Variants in SMIM14 observed in about 807,000 individuals in gnomAD.
SMIM14 encodes chromosome 4 open reading frame 34.
SMIM14 carries 5 observed loss-of-function variants against 12.6 expected under a neutral mutation model. The ratio of observed to expected loss-of-function variants is 0.40; its 90% confidence interval spans 0.21 to 0.83. The LOEUF is 0.83. Ranked by LOEUF, SMIM14 falls within the 40% of genes least tolerant of loss-of-function variation. The pLI is 0.37. For synonymous variants in SMIM14, 30 were observed against 40.1 expected, an observed-to-expected ratio of 0.75 and a Z score of 0.95; for missense variants, 86 against 119.1, an observed-to-expected ratio of 0.72 and a Z score of 1.29.
chr4:39,582,151 A>G (rs1713542265), intron 2 of SMIM14, among the ~76,000 whole-genome samples: 1 of 152,042 alleles, frequency 6.6e-6, no homozygotes, highest in Non-Finnish European at 1.5e-5. Context: ...GATTACAGGA[A>G]TGAGCCACCG....
intron 3 of SMIM14, among the ~76,000 whole-genome samples, chr4:39,571,104 A>G (rs1488685157): frequency 6.6e-6 from 1 of 152,166 alleles, no homozygotes; most frequent in Non-Finnish European, 1.5e-5. Context: ...TACATATACC[A>G]TGCAATATTC....
At chr4:39,632,000 G>A (rs1199343449) in intron 1 of SMIM14, among the ~76,000 whole-genome samples, 1 of 151,856 alleles carries the variant, frequency 6.6e-6, no homozygotes, top group African/African-American at 2.4e-5. Flanking sequence ...AACAGAGGTC[G>A]TAAATGTTAT....
At chr4:39,606,292 G>A (rs796256003) in intron 1 of SMIM14, among the ~76,000 whole-genome samples, 4 of 150,916 alleles carry the variant, frequency 2.7e-5, no homozygotes, top group African/African-American at 9.7e-5. Context: ...GCTGCAATAA[G>A]CCATGATCAC....
At position 39,562,956 on chromosome 4, in the gene SMIM14, T is replaced by G. The variant is rs151226876; in HGVS notation, c.125-6386A>C. On this transcript the variant is annotated intron_variant, in intron 3 of 4. Coordinates refer to ENST00000295958, the MANE Select transcript of SMIM14 (RefSeq NM_174921.3). The stretch of plus-strand genomic sequence containing the variant: ...ACTGTGCCCAGCAACTCTAAGTTCT[T>G]TAGCTCAGCCTTTCCTCATATGATT... Among the ~76,000 whole-genome samples, 380 of 152,150 alleles carry G rather than the reference T, an allele frequency of 2.5e-3. 1 individual carries two copies. Among genetic ancestry groups the G allele is most frequent in the African/African-American group, 8.9e-3 (368 of 41,454 alleles).
intron 1 of SMIM14, among the ~76,000 whole-genome samples, chr4:39,615,466 T>C (rs1402936094): frequency 1.3e-5 from 2 of 152,328 alleles, no homozygotes; most frequent in South Asian, 2.1e-4. Context: ...ATTATACATT[T>C]GTCAAACCCC....
At chr4:39,592,688 C>A (rs1438625853) in intron 2 of SMIM14, 1 of 150,844 alleles carries the variant, frequency 6.6e-6, no homozygotes, top group Non-Finnish European at 1.5e-5. Flanking sequence ...AGAGAAGAAT[C>A]AAATAGACGC....
rs1713234665 is a variant in SMIM14, at chr4:39,577,061, A to G, written c.76-4598T>C. ...GTGGAATAGGAATATTTTTTCCATT[A>G]TATAATATTTGATATATTTTAACAC... On this transcript the variant is annotated intron_variant, in intron 2 of 4. Transcript: ENST00000295958. Among the ~76,000 whole-genome samples the G allele has an allele frequency of 2.0e-5, 3 of 151,858 alleles. No homozygotes were observed. In the South Asian group the frequency reaches 6.2e-4, roughly 32 times the overall value.
At position 39,612,387 on chromosome 4, in the gene SMIM14, T is replaced by G. The variant is rs186263096; in HGVS notation, c.-35-7207A>C. Among the ~76,000 whole-genome samples, 291 of 152,244 alleles carry G rather than the reference T, an allele frequency of 1.9e-3. 1 individual carries two copies. Among genetic ancestry groups the G allele is most frequent in the African/African-American group, 6.6e-3 (276 of 41,542 alleles). ...CTCCCGCCTCAGCCTCCCAAGTAGC[T>G]GGGATTACACACATGCGCTATGCTG... On this transcript the variant is annotated intron_variant, in intron 1 of 4. Transcript: ENST00000295958.
At chr4:39,628,885 A>T (rs937030045) in intron 1 of SMIM14, among the ~76,000 whole-genome samples, 8 of 150,730 alleles carry the variant, frequency 5.3e-5, no homozygotes, top group Non-Finnish European at 1.0e-4. Context: ...GGTGCGTGCC[A>T]TCACACCCAG....
At chr4:39,562,442 G>T (rs1395155374) in intron 3 of SMIM14, among the ~76,000 whole-genome samples, 1 of 152,070 alleles carries the variant, frequency 6.6e-6, no homozygotes, top group Non-Finnish European at 1.5e-5. Context: ...CATCTCTGCT[G>T]ATCAATGTGG....
chr4:39,627,509 G>A (rs991191170), intron 1 of SMIM14, among the ~76,000 whole-genome samples: 1 of 152,164 alleles, frequency 6.6e-6, no homozygotes, highest in African/African-American at 2.4e-5. Flanking sequence ...AAACAAGAGT[G>A]ATAATTGAAA....
chr4:39,575,369 A>T (rs1713117198), intron 2 of SMIM14, among the ~76,000 whole-genome samples: 1 of 151,898 alleles, frequency 6.6e-6, no homozygotes, highest in African/African-American at 2.4e-5. Flanking sequence ...TTAAAAAATT[A>T]ATTTTAATGA....
chr4:39,551,306 T>G lies in SMIM14; in HGVS notation c.*820A>C, dbSNP rs1386768912. 1 of 152,652 alleles carries G rather than the reference T, an allele frequency of 6.6e-6. No homozygotes were observed. The highest frequency in any genetic ancestry group is 2.4e-5 in the African/African-American group (1 of 41,462). The allele number at this position is 152,652 out of a possible 1,614,324, so 9.5% of individuals were successfully genotyped here. A position where few individuals can be genotyped will look rare whatever the true frequency, so the allele number is the denominator to read the frequency against. On this transcript the variant is annotated 3_prime_UTR_variant, in exon 5 of 5. Coordinates refer to ENST00000295958, the MANE Select transcript of SMIM14 (RefSeq NM_174921.3). ...TAAATTATAGCTTAAATTATTACTATGTGGATTATATCAGCAAAGGCAGAA... is the reference window on the plus strand; with the variant it reads ...TAAATTATAGCTTAAATTATTACTAGGTGGATTATATCAGCAAAGGCAGAA...
At chr4:39,554,844 T>G (rs1255338407) in intron 4 of SMIM14, among the ~76,000 whole-genome samples, 8 of 147,998 alleles carry the variant, frequency 5.4e-5, no homozygotes, top group Admixed American at 5.4e-4. Flanking sequence ...TTTTTTTTTT[T>G]TTTTTTTTGA....
intron 4 of SMIM14, 30 bp downstream of exon 4, chr4:39,556,398 C>T: frequency 1.3e-6 from 2 of 1,598,748 alleles, no homozygotes; most frequent in Non-Finnish European, 1.7e-6. Context: ...TTCCCTTACC[C>T]AAAAAGCATT....
chr4:39,555,986 A>G (rs550134070), intron 4 of SMIM14, among the ~76,000 whole-genome samples: 6 of 152,220 alleles, frequency 3.9e-5, no homozygotes, highest in African/African-American at 1.4e-4. Flanking sequence ...AGCCTGGGCA[A>G]CCTGGCAAAA....
At chr4:39,609,202 G>A (rs761571688) in intron 1 of SMIM14, among the ~76,000 whole-genome samples, 9 of 151,920 alleles carry the variant, frequency 5.9e-5, no homozygotes, top group Non-Finnish European at 1.0e-4. Context: ...GGATGGTCTC[G>A]AACTCCTGAC....
At chr4:39,638,509 T>C (rs1204052656) in intron 1 of SMIM14, 5 of 985,322 alleles carry the variant, frequency 5.1e-6, no homozygotes, top group Non-Finnish European at 4.8e-6. Flanking sequence ...TCTGACATCC[T>C]GCAGAGAATA....
At chr4:39,613,612 G>T (rs1715110213) in intron 1 of SMIM14, among the ~76,000 whole-genome samples, 1 of 152,142 alleles carries the variant, frequency 6.6e-6, no homozygotes, top group Non-Finnish European at 1.5e-5. Flanking sequence ...TTAAGAAGCT[G>T]CTCTATCCTA....
Sources: allele counts gnomAD v4.1 joint callset (sites outside exome capture counted in the v4.1 genomes callset), GRCh38; gene constraint gnomAD v4.1.1; transcripts MANE v1.5; gene names NCBI Gene and HGNC (gene_info 2026-07-23, HGNC 2026-07-21).